ADAMTS12: variants seen among roughly 807,000 people sequenced by gnomAD.
ADAMTS12 encodes the protein A disintegrin and metalloproteinase with thrombospondin motifs 12.
Under a neutral mutation model 167.8 loss-of-function variants are expected in ADAMTS12, and 118 were observed. That is an observed-to-expected ratio of 0.70 (90% CI 0.61 to 0.82). ADAMTS12 has a LOEUF of 0.82. Ranked by LOEUF, ADAMTS12 falls within the 40% of genes least tolerant of loss-of-function variation. The pLI, the probability that ADAMTS12 is intolerant of heterozygous loss-of-function variation, is 0.00. For missense variants in ADAMTS12, 1,916 were observed against 1,998.8 expected, an observed-to-expected ratio of 0.96 and a Z score of 0.79; for synonymous variants, 704 against 716.9, an observed-to-expected ratio of 0.98 and a Z score of 0.29.
In ADAMTS12 at chr5:33,546,080, C is replaced by T; in HGVS notation, c.4425G>A (p.Trp1475Ter). Reference sequence around the variant, plus strand: ...TTACCAGGTCCCAGTTCCCAGTGGCCCAGTGACAGCACAGGTGCTCATTGC... The same window carrying T: ...TTACCAGGTCCCAGTTCCCAGTGGCTCAGTGACAGCACAGGTGCTCATTGC... ...MSCNEHLCCH[W>*]ATGNWDLCST... is the part of the protein sequence containing the mutation. Residue 1475 changes from tryptophan (W) to a stop codon, truncating the protein, a stop_gained, in exon 22 of 24, where the codon TGG becomes TGA. Coordinates refer to ENST00000504830, the MANE Select transcript of ADAMTS12 (RefSeq NM_030955.4). LOFTEE classifies it high-confidence loss of function. 6.2e-7 allele frequency: 1 copy of T among 1,613,258 alleles called. No homozygotes were observed. Among genetic ancestry groups the T allele is most frequent in the Middle Eastern group, 1.7e-4 (1 of 6,006 alleles).
In ADAMTS12 at chr5:33,583,353, A is replaced by G. The variant is rs560160598; in HGVS notation, c.2865+5246T>C. 2.0e-5 allele frequency among the ~76,000 whole-genome samples: 3 copies of G among 152,260 alleles called. No individual in the cohort carries two copies. In the South Asian group the frequency reaches 6.2e-4, roughly 32 times the overall value. ...CATTCCTATGGCTGAATAGTACTCC[A>G]CCATGCATATGCACCACATTTTCTT... On this transcript the variant is annotated intron_variant, in intron 18 of 23. Coordinates refer to ENST00000504830, the MANE Select transcript of ADAMTS12 (RefSeq NM_030955.4).
rs35615625 is a variant in ADAMTS12, at chr5:33,530,086, AT to A, written c.4607-2721del. Among the ~76,000 whole-genome samples, 423 of 149,624 alleles carry A rather than the reference AT, an allele frequency of 2.8e-3. 3 individuals are homozygous for A. The highest frequency in any genetic ancestry group is 9.2e-3 in the African/African-American group (377 of 40,914). On this transcript the variant is annotated intron_variant, in intron 23 of 23. Transcript: ENST00000504830. ...AGGCATGTGCCACCATGCCCAGCTA[AT>A]TTTTTTTTTTGTATATTTAGTAGAG...
At chr5:33,742,013 G>A (rs575691838) in intron 3 of ADAMTS12, among the ~76,000 whole-genome samples, 4 of 152,228 alleles carry the variant, frequency 2.6e-5, no homozygotes, top group South Asian at 2.1e-4. Flanking sequence ...TCATGCATAC[G>A]ATTTTGTGAT....
chr5:33,636,745 A>G lies in ADAMTS12; in HGVS notation c.1888+832T>C, dbSNP rs13357431. Among the ~76,000 whole-genome samples the G allele has an allele frequency of 4.5e-3, 692 of 152,278 alleles. 7 individuals carry two copies. The highest frequency in any genetic ancestry group is 0.016 in the African/African-American group (659 of 41,578). On this transcript the variant is annotated intron_variant, in intron 12 of 23. Coordinates refer to ENST00000504830, the MANE Select transcript of ADAMTS12 (RefSeq NM_030955.4). The stretch of plus-strand genomic sequence containing the variant: ...CTACCTTGCCTTAAATTTCTTTAAC[A>G]CAGGAAAATCTTTTCTGTTTCATTT...
chr5:33,801,469 A>G (rs1373960154), intron 2 of ADAMTS12, among the ~76,000 whole-genome samples: 12 of 152,224 alleles, frequency 7.9e-5, no homozygotes, highest in Non-Finnish European at 1.8e-4. Context: ...GTGATATGAC[A>G]TGATATAATG....
At chr5:33,814,506 G>A (rs1027779726) in intron 2 of ADAMTS12, among the ~76,000 whole-genome samples, 1 of 152,178 alleles carries the variant, frequency 6.6e-6, no homozygotes, top group African/African-American at 2.4e-5. Flanking sequence ...TTAGATACAT[G>A]AGTTTGAAAT....
chr5:33,747,088 T>C (rs1038121284), intron 3 of ADAMTS12, among the ~76,000 whole-genome samples: 13 of 152,190 alleles, frequency 8.5e-5, no homozygotes, highest in African/African-American at 3.1e-4. Context: ...TGGTAGCTCA[T>C]CTGGGATATG....
chr5:33,634,176 G>T (rs1443828185), intron 12 of ADAMTS12, among the ~76,000 whole-genome samples: 2 of 152,124 alleles, frequency 1.3e-5, no homozygotes, highest in Admixed American at 1.3e-4. Context: ...AAGTTTTGAT[G>T]CATTTCGTGT....
chr5:33,598,576 T>C (rs1738030921), intron 16 of ADAMTS12, among the ~76,000 whole-genome samples: 2 of 152,148 alleles, frequency 1.3e-5, no homozygotes, highest in Non-Finnish European at 2.9e-5. Context: ...ATTTTAAAAG[T>C]GATGCTCCAT....
chr5:33,532,472 A>ATT lies in ADAMTS12; in HGVS notation c.4606+2359_4606+2360dup, dbSNP rs55826401. On this transcript the variant is annotated intron_variant, in intron 23 of 23. Coordinates refer to ENST00000504830, the MANE Select transcript of ADAMTS12 (RefSeq NM_030955.4). ...AACATTGGATCTAAGTACTGTTTCTATTTTTTTTTTTTTTTTGGCCTTTTC... is the reference window on the plus strand; with the variant it reads ...AACATTGGATCTAAGTACTGTTTCTATTTTTTTTTTTTTTTTTTGGCCTTTTC... 3.2e-3 allele frequency among the ~76,000 whole-genome samples: 440 copies of ATT among 139,444 alleles called. 5 individuals carry two copies. Among genetic ancestry groups the ATT allele is most frequent in the African/African-American group, 0.011 (414 of 38,350 alleles). The allele number at this position is 139,444 out of a possible 152,430, so 91.5% of individuals were successfully genotyped here.
At chr5:33,670,115 A>G (rs550270349) in intron 5 of ADAMTS12, among the ~76,000 whole-genome samples, 4 of 151,536 alleles carry the variant, frequency 2.6e-5, no homozygotes, top group South Asian at 2.1e-4. Flanking sequence ...TTGACGAAAG[A>G]CTTATATTTA....
chr5:33,805,730 T>C (rs1747200131), intron 2 of ADAMTS12, among the ~76,000 whole-genome samples: 1 of 152,014 alleles, frequency 6.6e-6, no homozygotes, highest in Non-Finnish European at 1.5e-5. Context: ...ATGTATGCTG[T>C]GAAGGAAAAA....
intron 2 of ADAMTS12, among the ~76,000 whole-genome samples, chr5:33,848,060 CA>C (rs5867219): frequency 1.3e-5 from 2 of 151,628 alleles, no homozygotes; most frequent in Non-Finnish European, 2.9e-5. Context: ...ACTAAAAATA[CA>C]AAAAAAGGAG....
rs117067274 is a variant in ADAMTS12, at chr5:33,606,867, T to A, written c.2527+7371A>T. ...GATGCAAAAGTCCTAAGTGAAATAT[T>A]AGCAAACAGAACTCAACAGTGTATA... On this transcript the variant is annotated intron_variant, in intron 16 of 23. Transcript: ENST00000504830. 1.1e-3 allele frequency among the ~76,000 whole-genome samples: 172 copies of A among 152,310 alleles called. 4 individuals are homozygous for A. In the East Asian group the frequency reaches 0.029, roughly 26 times the overall value.
intron 7 of ADAMTS12, among the ~76,000 whole-genome samples, chr5:33,657,502 T>C (rs1741103515): frequency 6.6e-6 from 1 of 152,206 alleles, no homozygotes; most frequent in African/African-American, 2.4e-5. Flanking sequence ...CATGGAAACC[T>C]CTGATATCTG....
chr5:33,538,230 A>G (rs1284995902), intron 22 of ADAMTS12, among the ~76,000 whole-genome samples: 1 of 152,202 alleles, frequency 6.6e-6, no homozygotes, highest in East Asian at 1.9e-4. Flanking sequence ...CACATCTTAC[A>G]TGGCAGCAGG....
chr5:33,625,301 T>G (rs62351148), intron 13 of ADAMTS12, among the ~76,000 whole-genome samples: 1 of 150,750 alleles, frequency 6.6e-6, no homozygotes, highest in Non-Finnish European at 1.5e-5. Flanking sequence ...TGCTAAGAGA[T>G]TTAAAAAAAA....
intron 1 of ADAMTS12, among the ~76,000 whole-genome samples, chr5:33,883,277 G>A (rs1750514492): frequency 6.6e-6 from 1 of 151,322 alleles, no homozygotes; most frequent in African/African-American, 2.4e-5. Context: ...GGGCTTGATG[G>A]GCTACAATTA....
intron 21 of ADAMTS12, 145 bp downstream of exon 21, chr5:33,549,062 A>G: frequency 2.0e-6 from 2 of 1,021,488 alleles, no homozygotes; most frequent in South Asian, 1.7e-5. Flanking sequence ...AGCTTCTCAC[A>G]TACAGGGTGG....
Sources: gnomAD v4.1 joint callset for allele counts (sites outside exome capture counted in the v4.1 genomes callset) on GRCh38, gnomAD v4.1.1 for gene constraint, MANE v1.5 for transcripts, NCBI Gene and HGNC (gene_info 2026-07-23, HGNC 2026-07-21) for gene names.